Variants in RGS6 observed in about 807,000 individuals in gnomAD.
RGS6 encodes regulator of G-protein signaling 6.
RGS6 carries 30 observed loss-of-function variants against 78.5 expected under a neutral mutation model. That is an observed-to-expected ratio of 0.38 (90% CI 0.29 to 0.52). The LOEUF (loss-of-function observed/expected upper bound fraction) is 0.52. RGS6 is among the 20% of genes least tolerant of loss of function. The probability of loss-of-function intolerance (pLI) is 0.85; values close to 1 mark genes in which losing one functional copy is unlikely to be tolerated. For missense variants in RGS6, 495 were observed against 609.7 expected, an observed-to-expected ratio of 0.81 and a Z score of 1.98; for synonymous variants, 206 against 206.0, an observed-to-expected ratio of 1.00 and a Z score of 0.00.
chr14:72,333,936 G>T (rs1174506348), intron 2 of RGS6, among the ~76,000 whole-genome samples: 35 of 152,184 alleles, frequency 2.3e-4, no homozygotes, highest in Admixed American at 2.3e-3. Flanking sequence ...CTACCTGTTG[G>T]CAAAAGCTTT....
At chr14:72,533,919 A>G (rs913156673) in intron 15 of RGS6, among the ~76,000 whole-genome samples, 9 of 152,242 alleles carry the variant, frequency 5.9e-5, no homozygotes, top group Admixed American at 5.2e-4. Flanking sequence ...TTGAGATGAC[A>G]CAAAGAATTT....
chr14:72,580,725 T>C, the RGS6 span, among the ~76,000 whole-genome samples: 19 of 152,370 alleles, frequency 1.2e-4, no homozygotes, highest in Non-Finnish European at 2.4e-4. Context: ...GTTGGTGTAC[T>C]ATGCATATGA....
intron 17 of RGS6, among the ~76,000 whole-genome samples, chr14:72,552,369 G>A (rs1476738630): frequency 6.6e-6 from 1 of 152,230 alleles, no homozygotes; most frequent in Non-Finnish European, 1.5e-5. Context: ...GAACTGGGGG[G>A]CTTGTCAGCC....
chr14:72,491,785 C>T (rs889558101), intron 12 of RGS6, among the ~76,000 whole-genome samples: 3 of 152,136 alleles, frequency 2.0e-5, no homozygotes, highest in African/African-American at 4.8e-5. Flanking sequence ...AGCCAGTTTT[C>T]GCAACAAAGC....
At chr14:71,908,299 G>T in the RGS6 span, 4 of 152,226 alleles carry the variant, frequency 2.6e-5, no homozygotes, top group African/African-American at 9.6e-5. Context: ...GTGTGATGAA[G>T]CGGAACAGCA....
At chr14:72,224,047 A>G (rs1390226290) in intron 2 of RGS6, among the ~76,000 whole-genome samples, 1 of 152,258 alleles carries the variant, frequency 6.6e-6, no homozygotes, top group Non-Finnish European at 1.5e-5. Flanking sequence ...TTCAACTTGC[A>G]TTTATCATTG....
chr14:72,118,764 G>A (rs1597884909), intron 2 of RGS6, among the ~76,000 whole-genome samples: 1 of 152,246 alleles, frequency 6.6e-6, no homozygotes. Context: ...ATTTCTTCCT[G>A]GAAGAGTCTA....
chr14:72,357,928 A>G (rs1232877483), intron 3 of RGS6, among the ~76,000 whole-genome samples: 1 of 152,082 alleles, frequency 6.6e-6, no homozygotes, highest in African/African-American at 2.4e-5. Context: ...AGAGGAAAAA[A>G]TGTTTATTTT....
chr14:71,936,062 CATATATGCTAT>C (rs2089275566), intron 1 of RGS6, among the ~76,000 whole-genome samples: 1 of 74,388 alleles, frequency 1.3e-5, no homozygotes, highest in East Asian at 3.3e-4. Context: ...ATCATATATA[CATATATGCTAT>C]ATATATGCTA....
At chr14:72,226,624 A>G (rs1237281969) in intron 2 of RGS6, among the ~76,000 whole-genome samples, 2 of 152,232 alleles carry the variant, frequency 1.3e-5, no homozygotes, top group East Asian at 3.8e-4. Flanking sequence ...AAATAGAACC[A>G]TGAATCCCAG....
At chr14:72,569,230 T>C (rs941368376), downstream of RGS6, among the ~76,000 whole-genome samples, 2 of 152,170 alleles carry the variant, frequency 1.3e-5, no homozygotes, top group African/African-American at 4.8e-5. Flanking sequence ...GACAAACATA[T>C]ACAATCATAT....
intron 2 of RGS6, among the ~76,000 whole-genome samples, chr14:72,271,615 G>T (rs537172277): frequency 6.6e-5 from 10 of 152,194 alleles, no homozygotes; most frequent in Admixed American, 2.6e-4. Flanking sequence ...TTTAACCTGC[G>T]ATGGATTTGT....
chr14:72,477,507 G>GCGGGGCT (rs1302240324), intron 11 of RGS6, among the ~76,000 whole-genome samples: 2 of 151,868 alleles, frequency 1.3e-5, no homozygotes, highest in African/African-American at 2.4e-5. Context: ...AAGCTATTTG[G>GCGGGGCT]CGGGGCTCGG....
intron 14 of RGS6, among the ~76,000 whole-genome samples, chr14:72,515,172 G>A (rs1458654225): frequency 6.6e-6 from 1 of 152,068 alleles, no homozygotes; most frequent in African/African-American, 2.4e-5. Context: ...TGTGTGCAGG[G>A]AGAGAAAACT....
chr14:72,504,542 C>G (rs1281936925), intron 13 of RGS6, among the ~76,000 whole-genome samples: 1 of 152,186 alleles, frequency 6.6e-6, no homozygotes, highest in African/African-American at 2.4e-5. Flanking sequence ...ATGTCTAAAA[C>G]TCATCAGAAT....
chr14:72,164,241 G>C (rs2096893644), intron 2 of RGS6, among the ~76,000 whole-genome samples: 1 of 152,172 alleles, frequency 6.6e-6, no homozygotes, highest in Non-Finnish European at 1.5e-5. Flanking sequence ...GAGAGGGAAG[G>C]CATCTCTGCC....
intron 2 of RGS6, among the ~76,000 whole-genome samples, chr14:72,330,186 T>TC (rs1258231490): frequency 1.3e-5 from 2 of 152,180 alleles, no homozygotes; most frequent in Non-Finnish European, 2.9e-5. Flanking sequence ...CCGGTCCAGT[T>TC]CTCCCCCATT....
chr14:72,168,501 C>G (rs935757419), intron 2 of RGS6, among the ~76,000 whole-genome samples: 1 of 152,198 alleles, frequency 6.6e-6, no homozygotes, highest in Non-Finnish European at 1.5e-5. Context: ...AGTACACAAC[C>G]AATTTCGAAG....
At chr14:72,460,299 G>A (rs1408504856) in intron 6 of RGS6, among the ~76,000 whole-genome samples, 1 of 152,188 alleles carries the variant, frequency 6.6e-6, no homozygotes, top group East Asian at 1.9e-4. Context: ...ATTCTCTGAA[G>A]AAGTTTTATT....
Sources: allele counts gnomAD v4.1 joint callset (sites outside exome capture counted in the v4.1 genomes callset), GRCh38; gene constraint gnomAD v4.1.1; transcripts MANE v1.5; gene names NCBI Gene and HGNC (gene_info 2026-07-23, HGNC 2026-07-21).